PLA2G6: variants seen among roughly 807,000 people sequenced by gnomAD.
The protein encoded by PLA2G6 is phospholipase A2 group VI.
PLA2G6 carries 62 observed loss-of-function variants against 83.8 expected under a neutral mutation model. That is an observed-to-expected ratio of 0.74 (90% CI 0.60 to 0.91). The LOEUF is 0.91. PLA2G6 is among the 40% of genes least tolerant of loss of function. The pLI, the probability that PLA2G6 is intolerant of heterozygous loss-of-function variation, is 0.00. For synonymous variants in PLA2G6, 417 were observed against 449.8 expected (o/e 0.93, Z 0.92); for missense variants, 944 against 1,102.0 (o/e 0.86, Z 2.03).
intron 2 of PLA2G6, chr22:38,147,958 C>A (rs2284061): frequency 0.07 from 11,280 of 160,578 alleles, 921 homozygotes; most frequent in African/African-American, 0.2. Context: ...ACAGAAACAA[C>A]AAAAACCACA....
chr22:38,119,324 C>T (rs992253737), intron 12 of PLA2G6, among the ~76,000 whole-genome samples: 1 of 152,068 alleles, frequency 6.6e-6, no homozygotes, highest in Admixed American at 6.6e-5. Context: ...GCTGAGGAAG[C>T]GGAGGGAAGG....
At chr22:38,171,159 C>T (rs1290852296) in intron 1 of PLA2G6, among the ~76,000 whole-genome samples, 4 of 134,406 alleles carry the variant, frequency 3.0e-5, no homozygotes, top group Non-Finnish European at 4.7e-5. Flanking sequence ...GCAACAAGAG[C>T]GAAACTCCGT....
At position 38,166,746 on chromosome 22, in the gene PLA2G6, T is replaced by C. The variant is rs534148741; in HGVS notation, c.209+2472A>G. On this transcript the variant is annotated intron_variant, in intron 2 of 16. Coordinates refer to ENST00000332509, the MANE Select transcript of PLA2G6 (RefSeq NM_003560.4). ...TTAACGTCTCAAAAAAATAAATACA[T>C]ACATACATACATGGAAACAACACAG... is the stretch of plus-strand genomic sequence containing the variant. Among the ~76,000 whole-genome samples the C allele has an allele frequency of 1.3e-4, 19 of 151,910 alleles. No individual in the cohort carries two copies. The South Asian group carries it at 2.9e-3, about 23-fold the overall frequency.
chr22:38,163,186 C>A (rs187373439), intron 2 of PLA2G6, among the ~76,000 whole-genome samples: 87 of 152,354 alleles, frequency 5.7e-4, no homozygotes, highest in Middle Eastern at 3.4e-3. Context: ...AAGCCCAGCA[C>A]AGGCCCTTCC....
chr22:38,143,346 G>T (rs1360985284), intron 3 of PLA2G6, 58 bp from the exon 4 acceptor site: 1 of 1,529,274 alleles, frequency 6.5e-7, no homozygotes, highest in Non-Finnish European at 9.0e-7. Context: ...GGTGGCAGGG[G>T]GACCTAAGTG....
chr22:38,126,766 G>A (rs1263192734), intron 9 of PLA2G6: 1 of 412,206 alleles, frequency 2.4e-6, no homozygotes, highest in Non-Finnish European at 4.6e-6. Context: ...GAATACCCTT[G>A]CGTGTCCTCT....
At chr22:38,140,319 C>A in intron 4 of PLA2G6, 150 bp from the exon 5 acceptor site, 1 of 690,490 alleles carries the variant, frequency 1.4e-6, no homozygotes, top group Non-Finnish European at 2.6e-6. Flanking sequence ...ACCAGCCTGG[C>A]CAACATGGTG....
chr22:38,114,097 C>A (rs992368670), intron 14 of PLA2G6, among the ~76,000 whole-genome samples: 1 of 151,926 alleles, frequency 6.6e-6, no homozygotes, highest in African/African-American at 2.4e-5. Context: ...GGGCTCTCAG[C>A]GAAGCTCAGG....
chr22:38,112,937 C>T, intron 15 of PLA2G6: 1 of 422,576 alleles, frequency 2.4e-6, no homozygotes, highest in Non-Finnish European at 4.4e-6. Flanking sequence ...GACAAGGTCT[C>T]CTTCTGTTGC....
rs1569258356 is a variant in PLA2G6 at position 38,128,270 on chromosome 22, T to C, written c.1347A>G (p.Leu449=). The change falls in exon 9 of 17, where the codon CTA becomes CTG. Residue 449 remains leucine (L), a splice_region_variant and synonymous_variant. Transcript: ENST00000332509. The surrounding 1 kb of genome is among the most constrained non-coding windows in gnomAD (Gnocchi z 4.4). The stretch of plus-strand genomic sequence containing the variant: ...AGGGAGTCGGGAGGCGAGGCCTACC[T>C]AGGTTGTTTAGGCTGATCGGTGGGG... ...AQPPPISLNN[L]ELQDLMHISR... The C allele has an allele frequency of 1.9e-6, 3 of 1,612,318 alleles. No homozygotes were observed. The highest frequency in any genetic ancestry group is 1.1e-5 in the South Asian group (1 of 91,000).
chr22:38,157,808 G>A (rs901676224), intron 2 of PLA2G6, among the ~76,000 whole-genome samples: 28 of 152,110 alleles, frequency 1.8e-4, no homozygotes, highest in Admixed American at 6.5e-5. Flanking sequence ...GGCAGGGGCA[G>A]GTGGATCACC....
chr22:38,168,613 G>C, intron 2 of PLA2G6, among the ~76,000 whole-genome samples: 1 of 152,214 alleles, frequency 6.6e-6, no homozygotes, highest in East Asian at 1.9e-4. Context: ...ACTTTGGGAG[G>C]CCAAGGTGGG....
At chr22:38,116,837 G>A (rs1007091853) in intron 12 of PLA2G6, among the ~76,000 whole-genome samples, 1 of 96,620 alleles carries the variant, frequency 1.0e-5, no homozygotes, top group Non-Finnish European at 2.0e-5. Context: ...GGCGATAAGA[G>A]TGAAACTCCG....
At chr22:38,176,551 C>A (rs745724769) in intron 1 of PLA2G6, among the ~76,000 whole-genome samples, 12 of 152,216 alleles carry the variant, frequency 7.9e-5, no homozygotes, top group Non-Finnish European at 1.3e-4. Flanking sequence ...CCAGTCAAGA[C>A]AGAGCAGGCT....
At chr22:38,142,771 C>T in intron 4 of PLA2G6, 1 of 399,440 alleles carries the variant, frequency 2.5e-6, no homozygotes, top group South Asian at 2.2e-5. Flanking sequence ...GCCCACGAGC[C>T]CCTCCAGGCA....
Position 38,112,555 on chromosome 22 carries a change from G to A in PLA2G6, c.2225C>T (p.Ala742Val), listed in dbSNP as rs1442328449. The change falls in exon 16 of 17, where the codon GCT becomes GTT. Residue 742 changes from alanine to valine, a missense_variant. By Grantham distance (64) the Ala-to-Val change is moderately conservative. Transcript: ENST00000332509. Reference sequence around the variant, plus strand: ...GCACCAGGCCCGTGCCCGGTCCACAGCCCGCCCGTCTGGATCCGTGCACTG... The same window carrying A: ...GCACCAGGCCCGTGCCCGGTCCACAACCCGCCCGTCTGGATCCGTGCACTG... Reference protein sequence around the residue: ...VDCCTDPDGRAVDRARAWCEM... With the variant: ...VDCCTDPDGRVVDRARAWCEM... The A allele has an allele frequency of 1.9e-6, 3 of 1,553,380 alleles. No individual in the cohort carries two copies. The highest frequency in any genetic ancestry group is 1.4e-5 in the African/African-American group (1 of 73,084).
At chr22:38,129,724 A>C (rs936951867) in intron 7 of PLA2G6, among the ~76,000 whole-genome samples, 162 bp from the exon 8 acceptor site, 1 of 152,222 alleles carries the variant, frequency 6.6e-6, no homozygotes, top group Non-Finnish European at 1.5e-5. Flanking sequence ...TCAATCTGGT[A>C]GTCCAAAGTC....
In PLA2G6 at chr22:38,115,960, G is replaced by A. The variant is rs11570752; in HGVS notation, c.1879+115C>T. 17 of 1,480,588 alleles carry A rather than the reference G, an allele frequency of 1.1e-5. No individual in the cohort carries two copies. In the African/African-American group the frequency reaches 1.4e-4, roughly 12 times the overall value. The allele number at this position is 1,480,588 out of a possible 1,614,324, so 91.7% of individuals were successfully genotyped here. ...CTCAGCCAATAAAGACCAGTGCAGC[G>A]GGTGGGCTGGTGGCACGGTGAGGGT... On this transcript the variant is annotated intron_variant, in intron 13 of 16. Transcript: ENST00000332509.
In PLA2G6 at chr22:38,145,606, T is replaced by C. The variant is rs1230554892; in HGVS notation, c.257A>G (p.Gln86Arg). 3 of 1,613,608 alleles carry C rather than the reference T, an allele frequency of 1.9e-6. No individual in the cohort carries two copies. Among genetic ancestry groups the C allele is most frequent in the South Asian group, 1.1e-5 (1 of 90,986 alleles). ...LEADALVNFHQYSSQLLPFYE... is the reference protein window; with the variant it reads ...LEADALVNFHRYSSQLLPFYE... ...GAAGGGTAGCAGCTGGGAAGAATAC[T>C]GATGGAAATTCACTAGGGCGTCAGC... The change falls in exon 3 of 17, where the codon CAG becomes CGG. Residue 86 changes from glutamine (Q) to arginine (R), a missense_variant. Transcript: ENST00000332509.
Sources: gnomAD v4.1 joint callset for allele counts (sites outside exome capture counted in the v4.1 genomes callset) on GRCh38, gnomAD v4.1.1 for gene constraint, Gnocchi (gnomAD v3.1) non-coding constraint, MANE v1.5 for transcripts, NCBI Gene and HGNC (gene_info 2026-07-23, HGNC 2026-07-21) for gene names.